ZNF202: variants seen among roughly 807,000 people sequenced by gnomAD.
ZNF202 encodes the protein zinc finger protein 202.
Under a neutral mutation model 54.5 loss-of-function variants are expected in ZNF202, and 22 were observed. The ratio of observed to expected loss-of-function variants is 0.40; its 90% CI spans 0.29 to 0.58. The LOEUF is 0.58. ZNF202 is among the 20% of genes least tolerant of loss of function. The probability of loss-of-function intolerance (pLI) is 0.39; values close to 1 mark genes in which losing one functional copy is unlikely to be tolerated. For synonymous variants in ZNF202, 294 were observed against 301.4 expected, an observed-to-expected ratio of 0.98 and a Z score of 0.26; for missense variants, 644 against 805.5, an observed-to-expected ratio of 0.80 and a Z score of 2.43.
In ZNF202 at chr11:123,726,006, C is replaced by T. The variant is rs760321120; in HGVS notation, c.1938G>A (p.Lys646=). ...TCACATGGGGACCTAGCTAGGAGGT[C>T]TTTTCTGAGTGGGTCCTCTGATGCC... ...LIRHQRTHSE[K]TS is the part of the protein sequence containing the mutation. The change falls in exon 9 of 9, where the codon AAG becomes AAA. Residue 646 remains lysine, a synonymous_variant. Transcript: ENST00000530393. This position sits in a 1 kb window ranked among gnomAD's most constrained non-coding sequence, Gnocchi z 6.0. 17 of 1,611,356 alleles carry T rather than the reference C, an allele frequency of 1.1e-5. No homozygotes were observed. The African/African-American group carries it at 2.3e-4, about 22-fold the overall frequency.
At chr11:123,735,375 T>C (rs754825669) in intron 3 of ZNF202, among the ~76,000 whole-genome samples, 7 of 152,102 alleles carry the variant, frequency 4.6e-5, no homozygotes, top group South Asian at 2.1e-4. Flanking sequence ...AAAAAGAACA[T>C]GTAACAGTGC....
chr11:123,726,305 T>C lies in ZNF202; in HGVS notation c.1639A>G (p.Ser547Gly). 6.2e-7 allele frequency: 1 copy of C among 1,614,224 alleles called. No individual in the cohort carries two copies. The highest frequency in any genetic ancestry group is 8.5e-7 in the Non-Finnish European group (1 of 1,180,028). The change falls in exon 9 of 9, where the codon AGT becomes GGT. Residue 547 changes from serine to glycine, a missense_variant. Transcript: ENST00000530393. The surrounding 1 kb of genome is among the most constrained non-coding windows in gnomAD (Gnocchi z 6.0). ...YLCGECGEDF[S>G]EHRRYLAHRK... ...TGCGCCAGGTACCGCCTGTGTTCAC[T>C]GAAGTCCTCACCACACTCTCCACAC...
chr11:123,724,586 C>A lies in ZNF202; in HGVS notation c.*1411G>T, dbSNP rs1565515892. 1 of 152,204 alleles carries A rather than the reference C, an allele frequency of 6.6e-6. No individual in the cohort carries two copies. The highest frequency in any genetic ancestry group is 1.5e-5 in the Non-Finnish European group (1 of 68,058). 9.4% of individuals were successfully genotyped at this position (152,204 alleles called of 1,614,324 possible). On this transcript the variant is annotated 3_prime_UTR_variant, in exon 9 of 9. Transcript: ENST00000530393. ...CTCCCTGTCATGCTTTAACCCCATA[C>A]CCTGTGCTCCACTTATGGAGGACGT...
chr11:123,741,082 G>T (rs866055125), intron 1 of ZNF202, among the ~76,000 whole-genome samples: 1 of 152,046 alleles, frequency 6.6e-6, no homozygotes. Flanking sequence ...GTGGTGTAAG[G>T]AGATGGGGCT....
In ZNF202 at chr11:123,726,677, T is replaced by C; in HGVS notation, c.1267A>G (p.Lys423Glu). The C allele has an allele frequency of 6.2e-7, 1 of 1,614,208 alleles. No homozygotes were observed. Among genetic ancestry groups the C allele is most frequent in the South Asian group, 1.1e-5 (1 of 91,090 alleles). ...VRHLRTHTGE[K>E]PYKCMECGKS... The stretch of plus-strand genomic sequence containing the variant: ...CCACATTCCATACATTTATAGGGTT[T>C]CTCTCCTGTGTGAGTCCTCAGGTGT... Residue 423 changes from lysine (K) to glutamate (E), a missense_variant, in exon 9 of 9, where the codon AAA (lysine) becomes GAA (glutamate). Physicochemically the swap from Lys to Glu is moderately conservative, Grantham distance 56 (BLOSUM62 1). This residue lies in a region of ZNF202 where 536 missense variants were observed against 635.3 expected (regional missense o/e 0.84). Transcript: ENST00000530393. This position sits in a 1 kb window ranked among gnomAD's most constrained non-coding sequence, Gnocchi z 6.0.
At chr11:123,727,376 TAGA>T (rs1861197891) in intron 8 of ZNF202, 97 bp downstream of exon 8, 4 of 1,515,530 alleles carry the variant, frequency 2.6e-6, no homozygotes, top group South Asian at 1.2e-5. Context: ...GCTGACATGT[TAGA>T]AGAACTGATG....
At chr11:123,739,125 T>C (rs1483552159) in intron 3 of ZNF202, among the ~76,000 whole-genome samples, 1 of 152,056 alleles carries the variant, frequency 6.6e-6, no homozygotes, top group African/African-American at 2.4e-5. Flanking sequence ...CTCCCCCAAC[T>C]AGTATATATT....
intron 5 of ZNF202, among the ~76,000 whole-genome samples, 198 bp from the exon 6 acceptor site, chr11:123,729,412 C>G (rs1224412541): frequency 6.6e-6 from 1 of 152,148 alleles, no homozygotes; most frequent in African/African-American, 2.4e-5. Flanking sequence ...AGAGAACAAG[C>G]AACAATCTGC....
intron 3 of ZNF202, chr11:123,739,680 T>C (rs1478296557): frequency 1.3e-5 from 2 of 152,236 alleles, no homozygotes; most frequent in Non-Finnish European, 2.9e-5. Context: ...TGATTATCTA[T>C]AAAAGATCAG....
chr11:123,727,114 C>A, intron 8 of ZNF202, 123 bp from the exon 9 acceptor site: 1 of 1,243,066 alleles, frequency 8.0e-7, no homozygotes, highest in Non-Finnish European at 1.1e-6. Flanking sequence ...TGTCCTGTGC[C>A]AAGCACTTTC....
chr11:123,733,764 T>C (rs908237871), intron 3 of ZNF202, among the ~76,000 whole-genome samples: 3 of 152,170 alleles, frequency 2.0e-5, no homozygotes, highest in Non-Finnish European at 2.9e-5. Flanking sequence ...TCCTGAATAA[T>C]GCTTTTGTGT....
chr11:123,727,404 C>CAG (rs1036569263), intron 8 of ZNF202, 72 bp downstream of exon 8: 14 of 1,596,972 alleles, frequency 8.8e-6, no homozygotes, highest in African/African-American at 2.7e-5. Flanking sequence ...CGGGGCCCTA[C>CAG]AGAGAGAGAG....
intron 3 of ZNF202, among the ~76,000 whole-genome samples, chr11:123,736,408 T>C (rs895918616): frequency 6.6e-6 from 1 of 152,204 alleles, no homozygotes; most frequent in Admixed American, 6.5e-5. Context: ...CCAGTCCCCA[T>C]TCTTATTTTA....
intron 1 of ZNF202, 121 bp from the exon 2 acceptor site, chr11:123,740,657 C>G (rs972109792): frequency 6.6e-6 from 1 of 152,252 alleles, no homozygotes; most frequent in Non-Finnish European, 1.5e-5. Context: ...CTAAGAGTCT[C>G]CCTCTGGGGA....
intron 3 of ZNF202, among the ~76,000 whole-genome samples, chr11:123,733,195 A>G (rs1420623557): frequency 6.6e-6 from 1 of 152,174 alleles, no homozygotes; most frequent in African/African-American, 2.4e-5. Context: ...TCCACTCTTA[A>G]TAGCTGTGTC....
intron 3 of ZNF202, among the ~76,000 whole-genome samples, chr11:123,735,732 G>C (rs1446717817): frequency 6.6e-6 from 1 of 152,310 alleles, no homozygotes; most frequent in East Asian, 1.9e-4. Context: ...GATTATCTGA[G>C]ATATGAGAGC....
intron 3 of ZNF202, among the ~76,000 whole-genome samples, chr11:123,731,263 C>T (rs1488368453): frequency 6.6e-6 from 1 of 152,200 alleles, no homozygotes; most frequent in Non-Finnish European, 1.5e-5. Flanking sequence ...CCGCTTAAGT[C>T]TCCAAACCGG....
At position 123,729,672 on chromosome 11, in the gene ZNF202, C is replaced by A; in HGVS notation, c.556G>T (p.Ala186Ser). 1 of 1,612,172 alleles carries A rather than the reference C, an allele frequency of 6.2e-7. No individual in the cohort carries two copies. The highest frequency in any genetic ancestry group is 8.5e-7 in the Non-Finnish European group (1 of 1,179,212). Residue 186 changes from alanine to serine, a missense_variant, in exon 5 of 9, where the codon GCA becomes TCA. Ala to Ser is a moderately conservative substitution (Grantham distance 99, BLOSUM62 1). Transcript: ENST00000530393. Reference protein sequence around the residue: ...EETTQSPDLGAPAEQRPHQEE... With the variant: ...EETTQSPDLGSPAEQRPHQEE... ...TGGTGTGGACGCTGCTCTGCCGGTG[C>A]CCCCAGATCTGGGCTCTGTGTGGTT... is the stretch of plus-strand genomic sequence containing the variant.
chr11:123,731,703 T>C (rs189685047), intron 3 of ZNF202, among the ~76,000 whole-genome samples: 5 of 152,332 alleles, frequency 3.3e-5, no homozygotes, highest in Admixed American at 3.3e-4. Flanking sequence ...GGTTTTTATC[T>C]AATAGGCTTA....
Sources: allele counts gnomAD v4.1 joint callset (sites outside exome capture counted in the v4.1 genomes callset), GRCh38; gene constraint gnomAD v4.1.1; regional missense constraint gnomAD v4.1.1; non-coding constraint Gnocchi (gnomAD v3.1); transcripts MANE v1.5; gene names NCBI Gene and HGNC (gene_info 2026-07-23, HGNC 2026-07-21).